EGFLAM: variants seen among roughly 807,000 people sequenced by gnomAD.
EGFLAM encodes EGF like, fibronectin type III and laminin G domains.
In EGFLAM, 79 loss-of-function variants were observed where a neutral mutation model predicts 113.1. That is an observed-to-expected ratio of 0.70 (90% CI 0.58 to 0.84). The LOEUF is 0.84. EGFLAM is among the 40% of genes least tolerant of loss of function. The probability of loss-of-function intolerance (pLI) is 0.00; values close to 1 mark genes in which losing one functional copy is unlikely to be tolerated. For missense variants in EGFLAM, 1,265 were observed against 1,291.6 expected (o/e 0.98, Z 0.32); for synonymous variants, 504 against 487.6 (o/e 1.03, Z -0.44).
intron 5 of EGFLAM, among the ~76,000 whole-genome samples, chr5:38,360,747 A>G (rs1739898386): frequency 6.6e-6 from 1 of 152,098 alleles, no homozygotes. Flanking sequence ...CTATTCCTAC[A>G]TGGCTTACTC....
intron 17 of EGFLAM, among the ~76,000 whole-genome samples, chr5:38,445,946 C>T (rs1359909932): frequency 1.3e-5 from 2 of 152,064 alleles, no homozygotes; most frequent in African/African-American, 2.4e-5. Flanking sequence ...GTGGCAGGCA[C>T]GTCCCAACCC....
chr5:38,260,712 A>C (rs988694449), intron 1 of EGFLAM, among the ~76,000 whole-genome samples: 4 of 152,204 alleles, frequency 2.6e-5, no homozygotes, highest in South Asian at 2.1e-4. Flanking sequence ...TTATCCAGAC[A>C]CTAGCTTTCA....
chr5:38,431,791 G>A (rs759955356), intron 15 of EGFLAM, among the ~76,000 whole-genome samples: 8 of 152,124 alleles, frequency 5.3e-5, no homozygotes, highest in Non-Finnish European at 1.2e-4. Flanking sequence ...TCTTATCAAT[G>A]GGGATAATGG....
rs373103857 is a variant in EGFLAM at position 38,370,400 on chromosome 5, G to A, written c.650G>A (p.Arg217Lys). The A allele has an allele frequency of 8.0e-5, 129 of 1,614,086 alleles. No individual in the cohort carries two copies. The highest frequency in any genetic ancestry group is 1.0e-4 in the Non-Finnish European group (123 of 1,180,044). The change falls in exon 6 of 22, where the codon AGG becomes AAG. Residue 217 changes from arginine (R) to lysine (K), a missense_variant. By Grantham distance (26) the Arg-to-Lys change is conservative. Transcript: ENST00000322350. The part of the protein sequence containing the change: ...DPDTNYQFAV[R>K]AMNSHGPSPR... The stretch of plus-strand genomic sequence containing the variant: ...GATACCAACTACCAGTTTGCCGTGA[G>A]GGCAATGAATTCCCATGGCCCCAGC...
At chr5:38,341,649 G>T (rs1361683854) in intron 3 of EGFLAM, among the ~76,000 whole-genome samples, 2 of 152,180 alleles carry the variant, frequency 1.3e-5, no homozygotes, top group East Asian at 3.8e-4. Context: ...CACACTAAGG[G>T]TGGAAAGAAC....
At chr5:38,387,603 A>G (rs1357743081) in intron 6 of EGFLAM, among the ~76,000 whole-genome samples, 1 of 152,250 alleles carries the variant, frequency 6.6e-6, no homozygotes, top group Non-Finnish European at 1.5e-5. Flanking sequence ...TCTCAGTCTT[A>G]GCATTTCATG....
intron 6 of EGFLAM, among the ~76,000 whole-genome samples, chr5:38,373,379 A>G (rs1740274545): frequency 6.6e-6 from 1 of 152,198 alleles, no homozygotes; most frequent in East Asian, 1.9e-4. Flanking sequence ...ATTGTACCTA[A>G]GAAGTAATTT....
At chr5:38,297,011 T>A (rs1758466112) in intron 1 of EGFLAM, among the ~76,000 whole-genome samples, 1 of 151,970 alleles carries the variant, frequency 6.6e-6, no homozygotes, top group Non-Finnish European at 1.5e-5. Flanking sequence ...AACAAAAAAA[T>A]GTGTGAAAGT....
intron 11 of EGFLAM, among the ~76,000 whole-genome samples, chr5:38,415,989 T>A (rs1355464502): frequency 6.6e-6 from 1 of 151,668 alleles, no homozygotes; most frequent in Non-Finnish European, 1.5e-5. Flanking sequence ...CCACGACCCG[T>A]GGGGATTATA....
At chr5:38,312,665 G>A (rs1738487182) in intron 1 of EGFLAM, among the ~76,000 whole-genome samples, 1 of 152,148 alleles carries the variant, frequency 6.6e-6, no homozygotes, top group South Asian at 2.1e-4. Context: ...TTGGTTGTAG[G>A]TACTTGTCCT....
chr5:38,260,660 A>T (rs2111674675), intron 1 of EGFLAM, among the ~76,000 whole-genome samples: 1 of 152,368 alleles, frequency 6.6e-6, no homozygotes, highest in Non-Finnish European at 1.5e-5. Flanking sequence ...TGTTTAGACT[A>T]GGTTCAACCT....
chr5:38,413,770 C>G (rs1006629706), intron 11 of EGFLAM, among the ~76,000 whole-genome samples: 1 of 152,164 alleles, frequency 6.6e-6, no homozygotes, highest in African/African-American at 2.4e-5. Context: ...GGTCCCCAAC[C>G]TTTTTGGCAC....
chr5:38,460,344 C>T (rs564344466), intron 20 of EGFLAM, among the ~76,000 whole-genome samples: 1 of 152,190 alleles, frequency 6.6e-6, no homozygotes, highest in Admixed American at 6.5e-5. Flanking sequence ...TCCTAGACAT[C>T]TAAGGAAACT....
intron 11 of EGFLAM, among the ~76,000 whole-genome samples, chr5:38,414,992 C>G (rs1450172250): frequency 6.6e-6 from 1 of 152,164 alleles, no homozygotes; most frequent in Non-Finnish European, 1.5e-5. Context: ...AGGAATCCAA[C>G]AGCCAGTGAA....
In EGFLAM at chr5:38,352,250, A is replaced by T; in HGVS notation, c.464A>T (p.Asp155Val). 1 of 1,614,084 alleles carries T rather than the reference A, an allele frequency of 6.2e-7. No homozygotes were observed. The highest frequency in any genetic ancestry group is 8.5e-7 in the Non-Finnish European group (1 of 1,180,006). The change falls in exon 5 of 22, where the codon GAT (aspartate) becomes GTT (valine). Residue 155 changes from aspartate to valine, a missense_variant. By Grantham distance (152) the Asp-to-Val change is radical. Transcript: ENST00000322350. ...PQQPHVIVVS[D>V]SEVALSWKPG... The stretch of plus-strand genomic sequence containing the variant: ...CAGCCACATGTCATTGTGGTTTCGG[A>T]TTCTGAGGTGGCCCTGTCTTGGAAA...
intron 10 of EGFLAM, among the ~76,000 whole-genome samples, chr5:38,411,296 CAT>C (rs2112141453): frequency 6.6e-6 from 1 of 151,930 alleles, no homozygotes; most frequent in East Asian, 2.0e-4. Context: ...GGTGTGGTGG[CAT>C]GCGCCTGTAG....
At chr5:38,441,593 TACACACACAC>T (rs3048229) in intron 17 of EGFLAM, among the ~76,000 whole-genome samples, 3 of 147,560 alleles carry the variant, frequency 2.0e-5, no homozygotes, top group Admixed American at 1.4e-4. Context: ...CGCTGCTTTG[TACACACACAC>T]ACACACACAC....
chr5:38,280,399 C>T (rs1757985094), intron 1 of EGFLAM, among the ~76,000 whole-genome samples: 1 of 152,230 alleles, frequency 6.6e-6, no homozygotes, highest in Admixed American at 6.5e-5. Flanking sequence ...GCTGTATCAC[C>T]TACTCCTTTG....
intron 6 of EGFLAM, chr5:38,401,723 A>G (rs958232007): frequency 6.6e-6 from 1 of 152,226 alleles, no homozygotes; most frequent in Non-Finnish European, 1.5e-5. Flanking sequence ...AAAGGATATG[A>G]AGAAATCTAA....
Sources: allele counts gnomAD v4.1 joint callset (sites outside exome capture counted in the v4.1 genomes callset), GRCh38; gene constraint gnomAD v4.1.1; transcripts MANE v1.5; gene names NCBI Gene and HGNC (gene_info 2026-07-23, HGNC 2026-07-21).